PBX1: variants seen among roughly 807,000 people sequenced by gnomAD.
PBX1 encodes PBX homeobox 1, also known as pre-B-cell leukemia transcription factor 1.
In PBX1, 6 loss-of-function variants were observed where a neutral mutation model predicts 53.4. That is an observed-to-expected ratio of 0.11 (90% CI 0.06 to 0.22). The LOEUF (loss-of-function observed/expected upper bound fraction) is 0.22, where lower values mean the gene tolerates loss of function less well. Ranked by LOEUF, PBX1 falls within the 10% of genes least tolerant of loss-of-function variation. The probability of loss-of-function intolerance (pLI) is 1.00; values close to 1 mark genes in which losing one functional copy is unlikely to be tolerated. For synonymous variants in PBX1, 204 were observed against 212.3 expected (o/e 0.96, Z 0.34); for missense variants, 251 against 551.4 (o/e 0.46, Z 5.46).
Position 164,848,287 on chromosome 1 carries a change from T to C in PBX1, c.*1611T>C. 9.5e-7 allele frequency: 1 copy of C among 1,056,480 alleles called. No individual in the cohort carries two copies. The highest frequency in any genetic ancestry group is 1.1e-6 in the Non-Finnish European group (1 of 873,780). The allele number at this position is 1,056,480 out of a possible 1,614,324, so 65.4% of individuals were successfully genotyped here. On this transcript the variant is annotated 3_prime_UTR_variant, in exon 9 of 9. Coordinates refer to ENST00000420696, the MANE Select transcript of PBX1 (RefSeq NM_002585.4). The stretch of plus-strand genomic sequence containing the variant: ...TCTTCATAGCCAACCCTACCAGTTA[T>C]AAAGATGGCAGCTCTATCACTTGAT...
intron 2 of PBX1, among the ~76,000 whole-genome samples, chr1:164,870,351 T>G (rs1672350418): frequency 9.6e-6 from 1 of 103,938 alleles, no homozygotes; most frequent in African/African-American, 3.6e-5. Flanking sequence ...CTTTCTTTCT[T>G]TCTTTCTTTC....
At chr1:164,810,079 C>T (rs1669534012) in intron 5 of PBX1, among the ~76,000 whole-genome samples, 1 of 152,120 alleles carries the variant, frequency 6.6e-6, no homozygotes, top group African/African-American at 2.4e-5. Flanking sequence ...ATTTGAATAC[C>T]TAATGGAACT....
intron 1 of PBX1, among the ~76,000 whole-genome samples, chr1:164,561,559 CTATTA>C (rs1653047252): frequency 6.6e-6 from 1 of 152,294 alleles, no homozygotes; most frequent in South Asian, 2.1e-4. Context: ...ACATTTTTCT[CTATTA>C]TATTGTTCTA....
intron 8 of PBX1, among the ~76,000 whole-genome samples, chr1:164,841,140 T>C (rs915923366): frequency 2.0e-5 from 3 of 152,134 alleles, no homozygotes; most frequent in Non-Finnish European, 4.4e-5. Flanking sequence ...CAGAGGCACA[T>C]ACATAGAACT....
Position 164,680,911 on chromosome 1 carries a change from A to G in PBX1, c.266-111583A>G, listed in dbSNP as rs186991471. ...ATTATTTCTAATTTATTCTTAATTC[A>G]TAACTCTATAGACACTTACAGAACA... On this transcript the variant is annotated intron_variant, in intron 2 of 8. Coordinates refer to ENST00000420696, the MANE Select transcript of PBX1 (RefSeq NM_002585.4). 4 of 152,330 alleles carry G rather than the reference A, an allele frequency of 2.6e-5. No individual in the cohort carries two copies. The East Asian group carries it at 7.7e-4, about 29-fold the overall frequency. 9.4% of individuals were successfully genotyped at this position (152,330 alleles called of 1,614,324 possible). A position where few individuals can be genotyped will look rare whatever the true frequency, so the allele number is the denominator to read the frequency against.
intron 2 of PBX1, among the ~76,000 whole-genome samples, chr1:164,573,841 A>G (rs984744080): frequency 2.6e-5 from 4 of 152,136 alleles, no homozygotes; most frequent in Non-Finnish European, 5.9e-5. Flanking sequence ...ATAGCTACAC[A>G]TGAGTAGTAT....
intron 2 of PBX1, among the ~76,000 whole-genome samples, chr1:164,718,236 A>C (rs920505410): frequency 1.3e-5 from 2 of 152,194 alleles, no homozygotes; most frequent in African/African-American, 4.8e-5. Flanking sequence ...AAAAACTTGC[A>C]TTGTTGGCAT....
At chr1:164,600,238 T>A (rs1656064069) in intron 2 of PBX1, among the ~76,000 whole-genome samples, 1 of 146,770 alleles carries the variant, frequency 6.8e-6, no homozygotes, top group South Asian at 2.2e-4. Context: ...GCCTAAAGTA[T>A]GCTGCTGCTT....
chr1:164,825,872 A>G (rs1463443389), intron 8 of PBX1, among the ~76,000 whole-genome samples: 1 of 152,120 alleles, frequency 6.6e-6, no homozygotes, highest in Non-Finnish European at 1.5e-5. Flanking sequence ...GCATGTAGCA[A>G]CATAGTATTG....
intron 8 of PBX1, among the ~76,000 whole-genome samples, chr1:164,838,160 T>C (rs1028703398): frequency 2.0e-5 from 3 of 152,326 alleles, no homozygotes; most frequent in Admixed American, 1.3e-4. Context: ...TTAGGGTGCA[T>C]GCAAGATAAA....
intron 2 of PBX1, among the ~76,000 whole-genome samples, chr1:164,705,773 T>A (rs16833982): frequency 0.26 from 39,167 of 152,170 alleles, 5,184 homozygotes; most frequent in Non-Finnish European, 0.28. Context: ...TTGCCTTTAA[T>A]TTTCAATTTG....
At chr1:164,673,669 A>T (rs1416056816) in intron 2 of PBX1, among the ~76,000 whole-genome samples, 1 of 151,776 alleles carries the variant, frequency 6.6e-6, no homozygotes, top group Non-Finnish European at 1.5e-5. Flanking sequence ...GCCCTAAGAA[A>T]CTTAACTCCT....
chr1:164,843,681 T>C (rs1428998378), intron 8 of PBX1, among the ~76,000 whole-genome samples: 3 of 152,206 alleles, frequency 2.0e-5, no homozygotes, highest in Non-Finnish European at 2.9e-5. Flanking sequence ...TTGAAATAAT[T>C]CCTATTTCTC....
chr1:164,867,538 G>T (rs1238785467), intron 2 of PBX1, among the ~76,000 whole-genome samples: 1 of 152,220 alleles, frequency 6.6e-6, no homozygotes, highest in African/African-American at 2.4e-5. Context: ...GGCCTATCCA[G>T]TCTGTAAAGT....
Position 164,850,165 on chromosome 1 carries a change from A to G in PBX1, c.*3489A>G, listed in dbSNP as rs1344509610. 2.2e-5 allele frequency: 5 copies of G among 228,034 alleles called. No homozygotes were observed. Among genetic ancestry groups the G allele is most frequent in the Admixed American group, 5.7e-5 (1 of 17,640 alleles). The allele number at this position is 228,034 out of a possible 1,614,324, so 14.1% of individuals were successfully genotyped here. A position where few individuals can be genotyped will look rare whatever the true frequency, so the allele number is the denominator to read the frequency against. ...CCCTCTTCTTTCTGTGACAATGCGC[A>G]TCATTCCTGCATTAGTTTTTAACAC... On this transcript the variant is annotated 3_prime_UTR_variant, in exon 9 of 9. Coordinates refer to ENST00000420696, the MANE Select transcript of PBX1 (RefSeq NM_002585.4).
chr1:164,642,377 C>T (rs1360124263), intron 2 of PBX1, among the ~76,000 whole-genome samples: 3 of 152,200 alleles, frequency 2.0e-5, no homozygotes, highest in Non-Finnish European at 4.4e-5. Flanking sequence ...CCACTCTCAC[C>T]AACATGATTT....
chr1:164,821,836 G>A lies in PBX1; in HGVS notation c.1200+210G>A, dbSNP rs988783492. ...GGCAGGCTTCATGCAGGCAGCTGGC[G>A]TCTAGGGCTGTCAGACGCAATCAGT... On this transcript the variant is annotated intron_variant, in intron 8 of 8. Coordinates refer to ENST00000420696, the MANE Select transcript of PBX1 (RefSeq NM_002585.4). Among the ~76,000 whole-genome samples the A allele has an allele frequency of 4.6e-5, 7 of 152,100 alleles. No individual in the cohort carries two copies. The East Asian group carries it at 5.8e-4, about 13-fold the overall frequency.
At chr1:164,738,396 C>T (rs1665415635) in intron 2 of PBX1, among the ~76,000 whole-genome samples, 1 of 152,182 alleles carries the variant, frequency 6.6e-6, no homozygotes, top group South Asian at 2.1e-4. Flanking sequence ...AGCTATACTG[C>T]TGCCTCAGCC....
At chr1:164,699,126 A>G (rs983710511) in intron 2 of PBX1, among the ~76,000 whole-genome samples, 1 of 152,224 alleles carries the variant, frequency 6.6e-6, no homozygotes, top group African/African-American at 2.4e-5. Flanking sequence ...GGCCTGGGTG[A>G]TCATCAGCAT....
Sources: gnomAD v4.1 joint callset for allele counts (sites outside exome capture counted in the v4.1 genomes callset) on GRCh38, gnomAD v4.1.1 for gene constraint, MANE v1.5 for transcripts, NCBI Gene and HGNC (gene_info 2026-07-23, HGNC 2026-07-21) for gene names.